ZFYVE16: variants seen among roughly 807,000 people sequenced by gnomAD.
The protein encoded by ZFYVE16 is zinc finger FYVE domain-containing protein 16.
A neutral mutation model predicts 138.1 loss-of-function variants in ZFYVE16; 89 were observed. The observed-to-expected ratio is 0.64, with a 90% CI of 0.54 to 0.77. The LOEUF is 0.77. ZFYVE16 is among the 30% of genes least tolerant of loss of function. ZFYVE16 has a pLI of 0.00. For synonymous variants in ZFYVE16, 596 were observed against 618.3 expected (o/e 0.96, Z 0.53); for missense variants, 1,793 against 1,786.7 (o/e 1.00, Z -0.06).
chr5:80,432,378 C>T (rs1176068170), intron 2 of ZFYVE16, among the ~76,000 whole-genome samples: 1 of 152,110 alleles, frequency 6.6e-6, no homozygotes, highest in African/African-American at 2.4e-5. Context: ...AACTGGCTAG[C>T]CATATGTAGA....
intron 7 of ZFYVE16, among the ~76,000 whole-genome samples, chr5:80,445,839 C>G (rs1466726298): frequency 6.6e-6 from 1 of 151,398 alleles, no homozygotes; most frequent in East Asian, 1.9e-4. Flanking sequence ...GTAATCCTCC[C>G]ATCTCATCCT....
chr5:80,431,264 G>C (rs1035515173), intron 2 of ZFYVE16, among the ~76,000 whole-genome samples: 1 of 151,968 alleles, frequency 6.6e-6, no homozygotes, highest in Admixed American at 6.6e-5. Flanking sequence ...TTCATCTCTG[G>C]GATGCAAGGC....
intron 3 of ZFYVE16, among the ~76,000 whole-genome samples, chr5:80,435,307 A>G (rs892265569): frequency 6.6e-6 from 1 of 152,174 alleles, no homozygotes; most frequent in Non-Finnish European, 1.5e-5. Context: ...TGCTGGGATT[A>G]CAGGCCTGAG....
intron 14 of ZFYVE16, among the ~76,000 whole-genome samples, chr5:80,457,327 G>A (rs532015890): frequency 1.8e-4 from 27 of 152,154 alleles, no homozygotes; most frequent in Non-Finnish European, 3.2e-4. Flanking sequence ...ACATCTTTAG[G>A]TTTAGTATAT....
rs551216279 is a variant in ZFYVE16, at chr5:80,451,571, C to T, written c.3469C>T (p.Pro1157Ser). ...TCACGGAGGATTCCTGTTTATTACACCTACTTTTCAGAAACTTGATGATCT... is the reference window on the plus strand; with the variant it reads ...TCACGGAGGATTCCTGTTTATTACATCTACTTTTCAGAAACTTGATGATCT... Reference protein sequence around the residue: ...KDHGGFLFITPTFQKLDDLSL... With the variant: ...KDHGGFLFITSTFQKLDDLSL... The change falls in exon 11 of 19, where the codon CCT becomes TCT. Residue 1157 changes from proline (P) to serine (S), a missense_variant. This residue lies in a region of ZFYVE16 where 498 missense variants were observed against 582.4 expected (regional missense o/e 0.86). Transcript: ENST00000505560. 7 of 1,613,880 alleles carry T rather than the reference C, an allele frequency of 4.3e-6. No homozygotes were observed. The highest frequency in any genetic ancestry group is 3.3e-5 in the South Asian group (3 of 91,070).
At chr5:80,473,961 T>TAATAAGC in intron 17 of ZFYVE16, 102 bp downstream of exon 17, 1 of 772,580 alleles carries the variant, frequency 1.3e-6, no homozygotes, top group Non-Finnish European at 2.1e-6. Context: ...GCATAGCTTA[T>TAATAAGC]TATACTTTTT....
At chr5:80,433,710 A>T (rs60511147) in intron 2 of ZFYVE16, among the ~76,000 whole-genome samples, 2 of 152,060 alleles carry the variant, frequency 1.3e-5, no homozygotes, top group East Asian at 1.9e-4. Flanking sequence ...GAAAAAAAAA[A>T]GCATTTAAGG....
intron 10 of ZFYVE16, 52 bp downstream of exon 10, chr5:80,450,638 A>G: frequency 6.4e-7 from 1 of 1,559,118 alleles, no homozygotes; most frequent in South Asian, 1.2e-5. Flanking sequence ...TAAATTAGTT[A>G]AAGGCATTTA....
Position 80,478,774 on chromosome 5 carries a change from G to A in ZFYVE16, c.*1397G>A, listed in dbSNP as rs185534952. The A allele has an allele frequency of 8.5e-5, 13 of 152,222 alleles. No individual in the cohort carries two copies. The East Asian group carries it at 2.5e-3, about 29-fold the overall frequency. The allele number at this position is 152,222 out of a possible 1,614,324, so 9.4% of individuals were successfully genotyped here. On this transcript the variant is annotated 3_prime_UTR_variant, in exon 19 of 19. Transcript: ENST00000505560. ...GAATTTTAATCAGTTTGGGCATATA[G>A]TTTGGACTGAATCACATCTGTAGTA...
At position 80,437,994 on chromosome 5, in the gene ZFYVE16, G is replaced by A. The variant is rs1336989827; in HGVS notation, c.1309G>A (p.Glu437Lys). ...PFKENDLLKQ[E>K]KCKSILLQSL... is the part of the protein sequence containing the mutation. ...CAAAGAGAATGATCTTTTGAAACAG[G>A]AAAAATGTAAAAGCATACTCCTTCA... is the stretch of plus-strand genomic sequence containing the variant. Residue 437 changes from glutamate (E) to lysine (K), a missense_variant, in exon 4 of 19, where the codon GAA (glutamate) becomes AAA (lysine). Physicochemically the swap from Glu to Lys is moderately conservative, Grantham distance 56 (BLOSUM62 1). Transcript: ENST00000505560. 14 of 1,613,968 alleles carry A rather than the reference G, an allele frequency of 8.7e-6. No homozygotes were observed. Among genetic ancestry groups the A allele is most frequent in the Non-Finnish European group, 1.2e-5 (14 of 1,179,932 alleles).
chr5:80,459,268 T>G (rs1024579757), intron 14 of ZFYVE16, 146 bp from the exon 15 acceptor site: 28 of 560,970 alleles, frequency 5.0e-5, no homozygotes, highest in Non-Finnish European at 5.4e-5. Context: ...CTCTTTTTTT[T>G]GTCTTTTTAA....
Position 80,477,220 on chromosome 5 carries a change from T to C in ZFYVE16, c.4463T>C (p.Val1488Ala), listed in dbSNP as rs764790221. The C allele has an allele frequency of 6.3e-7, 1 of 1,586,696 alleles. No homozygotes were observed. Among genetic ancestry groups the C allele is most frequent in the South Asian group, 1.2e-5 (1 of 85,474 alleles). Reference sequence around the variant, plus strand: ...ATCAAGAATTTTTTTTTTTTCTAGGTTGAATTTCAGGCAGGATCTGAAGGC... The same window carrying C: ...ATCAAGAATTTTTTTTTTTTCTAGGCTGAATTTCAGGCAGGATCTGAAGGC... The part of the protein sequence containing the change: ...GLRVSIDTDM[V>A]EFQAGSEGQL... Residue 1488 changes from valine to alanine, a missense_variant and splice_region_variant, in exon 19 of 19, where the codon GTT (valine) becomes GCT (alanine). By Grantham distance (64) the Val-to-Ala change is moderately conservative (BLOSUM62 0). Transcript: ENST00000505560.
Position 80,437,937 on chromosome 5 carries a change from C to A in ZFYVE16, c.1252C>A (p.Gln418Lys), listed in dbSNP as rs909757269. The change falls in exon 4 of 19, where the codon CAG becomes AAG. Residue 418 changes from glutamine (Q) to lysine (K), a missense_variant. Gln to Lys is a moderately conservative substitution (Grantham distance 53). Around this residue, in one of 2 missense-constraint regions of ZFYVE16, gnomAD observed 1,295 missense variants for 1,204.3 expected, o/e 1.08. Coordinates refer to ENST00000505560, the MANE Select transcript of ZFYVE16 (RefSeq NM_001284236.3). ...QDAVTIHEEI[Q>K]NSVVLGGEPF... Reference sequence around the variant, plus strand: ...TGCAGTGACTATACATGAAGAAATACAGAACAGTGTTGTTCTAGGTGGGGA... The same window carrying A: ...TGCAGTGACTATACATGAAGAAATAAAGAACAGTGTTGTTCTAGGTGGGGA... 1.2e-6 allele frequency: 2 copies of A among 1,613,876 alleles called. No homozygotes were observed. The highest frequency in any genetic ancestry group is 1.3e-5 in the African/African-American group (1 of 75,000).
At chr5:80,443,352 A>G (rs896599898) in intron 6 of ZFYVE16, 68 bp downstream of exon 6, 9 of 1,531,962 alleles carry the variant, frequency 5.9e-6, no homozygotes, top group Non-Finnish European at 7.9e-6. Context: ...TAATGTAGCC[A>G]GAGTCTAGTC....
intron 6 of ZFYVE16, among the ~76,000 whole-genome samples, chr5:80,444,100 T>C (rs1401115212): frequency 6.6e-6 from 1 of 152,210 alleles, no homozygotes; most frequent in African/African-American, 2.4e-5. Flanking sequence ...GAATTATTAG[T>C]CTGTAACATG....
At chr5:80,423,790 G>A (rs193089610) in intron 1 of ZFYVE16, among the ~76,000 whole-genome samples, 4 of 151,702 alleles carry the variant, frequency 2.6e-5, no homozygotes, top group East Asian at 3.9e-4. Flanking sequence ...CGCCCACCTC[G>A]TCCTCCCAAA....
chr5:80,422,584 A>T (rs1747382969), intron 1 of ZFYVE16, among the ~76,000 whole-genome samples: 1 of 152,004 alleles, frequency 6.6e-6, no homozygotes, highest in African/African-American at 2.4e-5. Context: ...CCTTCTGAGT[A>T]GCTGGGATTA....
intron 15 of ZFYVE16, among the ~76,000 whole-genome samples, chr5:80,471,463 C>T (rs932725252): frequency 1.3e-5 from 2 of 152,136 alleles, no homozygotes; most frequent in Non-Finnish European, 2.9e-5. Flanking sequence ...TAAAGAATTA[C>T]TTCATCCCCA....
chr5:80,466,899 A>G (rs554084671), intron 15 of ZFYVE16, among the ~76,000 whole-genome samples: 7 of 152,350 alleles, frequency 4.6e-5, no homozygotes, highest in African/African-American at 1.7e-4. Flanking sequence ...GCAAGCTGTT[A>G]TTTTAACTTG....
Sources: gnomAD v4.1 joint callset for allele counts (sites outside exome capture counted in the v4.1 genomes callset) on GRCh38, gnomAD v4.1.1 for gene constraint, gnomAD v4.1.1 regional missense constraint, MANE v1.5 for transcripts, NCBI Gene and HGNC (gene_info 2026-07-23, HGNC 2026-07-21) for gene names.